NLRP11: variants seen among roughly 807,000 people sequenced by gnomAD.
NLRP11 encodes NACHT, LRR and PYD domains-containing protein 11.
NLRP11 carries 53 observed loss-of-function variants against 79.3 expected under a neutral mutation model. That is an observed-to-expected ratio of 0.67 (90% confidence interval 0.54 to 0.84). NLRP11 has a LOEUF of 0.84. Ranked by LOEUF, NLRP11 falls within the 40% of genes least tolerant of loss-of-function variation. NLRP11 has a pLI of 0.00. For missense variants in NLRP11, 1,264 were observed against 1,255.0 expected (o/e 1.01, Z -0.11); for synonymous variants, 518 against 462.6 (o/e 1.12, Z -1.54).
chr19:55,808,722 C>A, intron 3 of NLRP11, 47 bp downstream of exon 3: 1 of 1,526,020 alleles, frequency 6.6e-7, no homozygotes, highest in Non-Finnish European at 8.8e-7. Flanking sequence ...GAATTATGGG[C>A]AGGTCTTAGG....
chr19:55,797,241 G>C (rs1979010492), intron 5 of NLRP11, among the ~76,000 whole-genome samples: 1 of 152,086 alleles, frequency 6.6e-6, no homozygotes, highest in East Asian at 1.9e-4. Context: ...CGAGGCTGCA[G>C]TGAGCTATGA....
chr19:55,817,837 AGG>A, intron 2 of NLRP11, 65 bp downstream of exon 2: 1 of 1,214,206 alleles, frequency 8.2e-7, no homozygotes, highest in Non-Finnish European at 1.1e-6. Context: ...AAAAAAAAAA[AGG>A]CCCAACACCC....
rs1260760843 is a variant in NLRP11 at position 55,829,547 on chromosome 19, G to A, written c.-63+2416C>T. Among the ~76,000 whole-genome samples the A allele has an allele frequency of 2.0e-5, 3 of 151,058 alleles. No individual in the cohort carries two copies. In the Admixed American group the frequency reaches 2.0e-4, roughly 10 times the overall value. ...CCGGGCGTGGTGGCACGCGCCTGTAGTCCCAGCTACTCAGAAGGCTGAGGC... is the reference window on the plus strand; with the variant it reads ...CCGGGCGTGGTGGCACGCGCCTGTAATCCCAGCTACTCAGAAGGCTGAGGC... On this transcript the variant is annotated intron_variant, in intron 1 of 9. Coordinates refer to ENST00000589093, the Ensembl canonical transcript of NLRP11.
In NLRP11 at chr19:55,796,223, G is replaced by A. The variant is rs116391886; in HGVS notation, c.2199C>T (p.Ser733=). The A allele has an allele frequency of 3.2e-5, 51 of 1,612,768 alleles. No individual in the cohort carries two copies. In the East Asian group the frequency reaches 8.0e-4, roughly 25 times the overall value. Residue 733 remains serine (S), a synonymous_variant, in exon 6 of 10, where the codon AGC becomes AGT. Transcript: ENST00000589093. ...GGAGAGAGGCGATTTCTTCACATTC[G>A]CTGGCTCGCAAATCACATTTCATCA...
At position 55,809,644 on chromosome 19, in the gene NLRP11, G is replaced by C; in HGVS notation, c.966C>G (p.Ala322=). The C allele has an allele frequency of 6.2e-7, 1 of 1,614,168 alleles. No individual in the cohort carries two copies. Among genetic ancestry groups the C allele is most frequent in the Non-Finnish European group, 8.5e-7 (1 of 1,180,026 alleles). Residue 322 remains alanine (A), a synonymous_variant, in exon 3 of 10, where the codon GCC becomes GCG. Transcript: ENST00000589093. This position sits in a 1 kb window ranked among gnomAD's most constrained non-coding sequence, Gnocchi z 4.5. ...TTTCATCCTCATGTACAAGCTGGAG[G>C]GCTGCCGACGCCCTCTGGCGGTCTT...
At chr19:55,808,678 C>G in intron 3 of NLRP11, 91 bp downstream of exon 3, 3 of 1,178,014 alleles carry the variant, frequency 2.5e-6, no homozygotes, top group Non-Finnish European at 3.6e-6. Context: ...TCTTCATGGC[C>G]CCGAGTTTGT....
At chr19:55,797,823 G>A (rs1281103487) in intron 5 of NLRP11, among the ~76,000 whole-genome samples, 1 of 152,074 alleles carries the variant, frequency 6.6e-6, no homozygotes, top group East Asian at 1.9e-4. Context: ...TGAATCTCTA[G>A]GACAAGGGAA....
In NLRP11 at chr19:55,798,004, T is replaced by TA. The variant is rs1054292424; in HGVS notation, c.2172-1755_2172-1754insT. Among the ~76,000 whole-genome samples, 5 of 132,908 alleles carry TA rather than the reference T, an allele frequency of 3.8e-5. No homozygotes were observed. In the South Asian group the frequency reaches 6.5e-4, roughly 17 times the overall value. The allele number at this position is 132,908 out of a possible 152,430, so 87.2% of individuals were successfully genotyped here. On this transcript the variant is annotated intron_variant, in intron 5 of 9. Coordinates refer to ENST00000589093, the Ensembl canonical transcript of NLRP11. ...GTGTATTCTATATTATTATTATTTT[T>TA]TTTTTTTTTGAGATGGAGTTTTGCC...
At chr19:55,811,955 C>T (rs557604122) in intron 2 of NLRP11, among the ~76,000 whole-genome samples, 4 of 141,300 alleles carry the variant, frequency 2.8e-5, no homozygotes, top group Admixed American at 2.2e-4. Context: ...CAGAAGCTGT[C>T]CAGTTTCACA....
intron 2 of NLRP11, among the ~76,000 whole-genome samples, chr19:55,812,737 T>C (rs1422893918): frequency 6.6e-6 from 1 of 152,170 alleles, no homozygotes; most frequent in Non-Finnish European, 1.5e-5. Flanking sequence ...AAGCTCTTTC[T>C]TGAGAATCCT....
At chr19:55,798,296 C>T in intron 5 of NLRP11, 18 of 983,928 alleles carry the variant, frequency 1.8e-5, no homozygotes, top group Non-Finnish European at 2.2e-5. Context: ...TCGCGTTGGC[C>T]TGTGTATTCT....
chr19:55,791,153 G>A (rs1274773484), intron 7 of NLRP11, among the ~76,000 whole-genome samples: 1 of 152,148 alleles, frequency 6.6e-6, no homozygotes, highest in Admixed American at 6.6e-5. Flanking sequence ...AGTTATGACA[G>A]GGACATTATG....
At chr19:55,789,378 G>A (rs146254026) in exon 8 of NLRP11, 54 of 1,613,398 alleles carry the variant, frequency 3.3e-5, no homozygotes, top group Non-Finnish European at 4.4e-5. Flanking sequence ...AGATATCGCT[G>A]CTAAAGAAAC....
intron 7 of NLRP11, among the ~76,000 whole-genome samples, chr19:55,790,969 A>G (rs2122715890): frequency 6.7e-6 from 1 of 150,344 alleles, no homozygotes; most frequent in South Asian, 2.1e-4. Flanking sequence ...TACTTAAGAC[A>G]ATTCTTGAAG....
At chr19:55,819,920 T>G (rs1366853407) in intron 1 of NLRP11, among the ~76,000 whole-genome samples, 1 of 152,128 alleles carries the variant, frequency 6.6e-6, no homozygotes, top group South Asian at 2.1e-4. Flanking sequence ...GGTACTATGT[T>G]AGAAGATAGA....
At chr19:55,822,941 G>A (rs1981926103) in intron 1 of NLRP11, among the ~76,000 whole-genome samples, 2 of 152,192 alleles carry the variant, frequency 1.3e-5, no homozygotes, top group Non-Finnish European at 2.9e-5. Context: ...TGCCTCTATA[G>A]GCTCCACCTC....
At chr19:55,821,203 T>TCACACACACACACA (rs1211992513) in intron 1 of NLRP11, among the ~76,000 whole-genome samples, 6 of 113,202 alleles carry the variant, frequency 5.3e-5, no homozygotes, top group Admixed American at 2.6e-4. Flanking sequence ...TCTCTCTCTC[T>TCACACACACACACA]CTCACACACA....
In NLRP11 at chr19:55,808,142, A is replaced by G. The variant is rs199476238; in HGVS notation, c.1842-128T>C. 61 of 590,634 alleles carry G rather than the reference A, an allele frequency of 1.0e-4. No individual in the cohort carries two copies. The African/African-American group carries it at 1.1e-3, about 11-fold the overall frequency. 36.6% of individuals were successfully genotyped at this position (590,634 alleles called of 1,614,324 possible). ...CTCAGATTTAATACCATGCAGCAAG[A>G]AATAAAGTAGGGTCAAACATGAATG... On this transcript the variant is annotated intron_variant, in intron 3 of 9. Transcript: ENST00000589093.
At chr19:55,797,093 T>C (rs992517688) in intron 5 of NLRP11, among the ~76,000 whole-genome samples, 5 of 152,214 alleles carry the variant, frequency 3.3e-5, no homozygotes, top group Admixed American at 2.0e-4. Flanking sequence ...CCCTTATCTC[T>C]ACTTAGTGAT....
Sources: gnomAD v4.1 joint callset for allele counts (sites outside exome capture counted in the v4.1 genomes callset) on GRCh38, gnomAD v4.1.1 for gene constraint, Gnocchi (gnomAD v3.1) non-coding constraint, MANE v1.5 for transcripts, NCBI Gene and HGNC (gene_info 2026-07-23, HGNC 2026-07-21) for gene names.